Variants in LACC1 observed in about 807,000 individuals in gnomAD.
The protein encoded by LACC1 is laccase domain multifunctional purine nucleosidase 1.
A neutral mutation model predicts 34.8 loss-of-function variants in LACC1; 25 were observed. That is an observed-to-expected ratio of 0.72 (90% CI 0.52 to 1.00). The LOEUF is 1.00. LACC1 is among the 50% of genes least tolerant of loss of function. The probability of loss-of-function intolerance (pLI) is 0.00; values close to 1 mark genes in which losing one functional copy is unlikely to be tolerated. For synonymous variants in LACC1, 162 were observed against 168.0 expected (o/e 0.96, Z 0.28); for missense variants, 426 against 511.2 (o/e 0.83, Z 1.61).
At position 43,888,817 on chromosome 13, in the gene LACC1, A is replaced by G. The variant is rs763606510; in HGVS notation, c.968A>G (p.Tyr323Cys). The G allele has an allele frequency of 1.2e-6, 2 of 1,613,934 alleles. No individual in the cohort carries two copies. The highest frequency in any genetic ancestry group is 1.7e-6 in the Non-Finnish European group (2 of 1,179,860). ...MATVNAMIAE[Y>C]GCSLEDIVVV... ...ACAGTGAATGCTATGATAGCAGAAT[A>G]TGGCTGCAGTTTGGAAGACATTGTT... Residue 323 changes from tyrosine to cysteine, a missense_variant, in exon 5 of 7, where the codon TAT (tyrosine) becomes TGT (cysteine). Coordinates refer to ENST00000325686, the MANE Select transcript of LACC1 (RefSeq NM_153218.4).
chr13:43,889,532 A>G (rs1298680522), intron 5 of LACC1, among the ~76,000 whole-genome samples: 1 of 152,222 alleles, frequency 6.6e-6, no homozygotes, highest in Non-Finnish European at 1.5e-5. Context: ...AAATTAATGT[A>G]TGTTTTAAAT....
chr13:43,889,035 A>G (rs1955455312), intron 5 of LACC1, 53 bp downstream of exon 5: 1 of 1,436,630 alleles, frequency 7.0e-7, no homozygotes, highest in Non-Finnish European at 9.8e-7. Context: ...TTGTTCTAAA[A>G]TGAAATTTAT....
At chr13:43,880,441 T>G (rs563595977) in intron 1 of LACC1, among the ~76,000 whole-genome samples, 2 of 152,296 alleles carry the variant, frequency 1.3e-5, no homozygotes, top group South Asian at 4.1e-4. Context: ...TGGTCATTGC[T>G]AAGTGTGGAG....
At chr13:43,885,455 C>G (rs963647146) in intron 4 of LACC1, among the ~76,000 whole-genome samples, 17 of 152,234 alleles carry the variant, frequency 1.1e-4, no homozygotes, top group Non-Finnish European at 2.2e-4. Flanking sequence ...TAAAGCCACA[C>G]ACCTACAACC....
chr13:43,890,027 C>T (rs1955501763), intron 5 of LACC1, 87 bp from the exon 6 acceptor site: 4 of 1,169,432 alleles, frequency 3.4e-6, no homozygotes, highest in African/African-American at 1.5e-5. Flanking sequence ...GGAACTTTTT[C>T]ATGCCAACAT....
chr13:43,884,045 G>C (rs1257285984), intron 4 of LACC1, 109 bp downstream of exon 4: 1 of 829,368 alleles, frequency 1.2e-6, no homozygotes, highest in Non-Finnish European at 1.9e-6. Flanking sequence ...TTACACTGTG[G>C]TAAGTGTAAT....
intron 1 of LACC1, among the ~76,000 whole-genome samples, chr13:43,880,725 A>G (rs1175395652): frequency 1.3e-5 from 2 of 152,228 alleles, no homozygotes; most frequent in Admixed American, 1.3e-4. Flanking sequence ...TGCTGCTGGA[A>G]AGATGTACCA....
In LACC1 at chr13:43,892,759, A is replaced by T; in HGVS notation, c.*1312A>T. On this transcript the variant is annotated 3_prime_UTR_variant, in exon 7 of 7. Transcript: ENST00000325686. ...CAATAATACAACCTTATAGTCACAG[A>T]AGTAAGAAAAAAAGGGTAGTTGTTT... 1 of 128,804 alleles carries T rather than the reference A, an allele frequency of 7.8e-6. No homozygotes were observed. The highest frequency in any genetic ancestry group is 3.0e-4 in the East Asian group (1 of 3,334). The allele number at this position is 128,804 out of a possible 1,614,324, so 8.0% of individuals were successfully genotyped here.
rs1333745721 is a variant in LACC1, at chr13:43,881,188, G to A, written c.203G>A (p.Gly68Glu). 6.2e-7 allele frequency: 1 copy of A among 1,614,148 alleles called. No homozygotes were observed. Among genetic ancestry groups the A allele is most frequent in the South Asian group, 1.1e-5 (1 of 91,078 alleles). The change falls in exon 2 of 7, where the codon GGA becomes GAA. Residue 68 changes from glycine to glutamate, a missense_variant. Physicochemically the swap from Gly to Glu is moderately conservative, Grantham distance 98 (BLOSUM62 -2). Coordinates refer to ENST00000325686, the MANE Select transcript of LACC1 (RefSeq NM_153218.4). The stretch of plus-strand genomic sequence containing the variant: ...AATTGTGAAATAGAAACAAGCAATG[G>A]ATTATCAGCTCTCTTGGAAGAATTT... ...QDNCEIETSN[G>E]LSALLEEFEI... is the part of the protein sequence containing the mutation.
chr13:43,888,604 G>A (rs756820655), intron 4 of LACC1, among the ~76,000 whole-genome samples, 153 bp from the exon 5 acceptor site: 14 of 152,056 alleles, frequency 9.2e-5, no homozygotes, highest in Admixed American at 2.6e-4. Context: ...GTGTAGTATG[G>A]CTCATTTAAA....
At chr13:43,883,634 A>G in intron 3 of LACC1, 137 bp from the exon 4 acceptor site, 1 of 512,878 alleles carries the variant, frequency 1.9e-6, no homozygotes, top group Non-Finnish European at 3.2e-6. Context: ...CCCATATATA[A>G]AAGTGATATA....
chr13:43,880,404 G>T (rs1393654266), intron 1 of LACC1, among the ~76,000 whole-genome samples: 1 of 152,196 alleles, frequency 6.6e-6, no homozygotes, highest in African/African-American at 2.4e-5. Context: ...GAGGAAGCCT[G>T]TCTCATCCAA....
In LACC1 at chr13:43,881,421, T is replaced by G. The variant is rs201400641; in HGVS notation, c.436T>G (p.Ser146Ala). 7 of 1,614,088 alleles carry G rather than the reference T, an allele frequency of 4.3e-6. No homozygotes were observed. Among genetic ancestry groups the G allele is most frequent in the Non-Finnish European group, 5.9e-6 (7 of 1,179,984 alleles). The change falls in exon 2 of 7, where the codon TCC (serine) becomes GCC (alanine). Residue 146 changes from serine (S) to alanine (A), a missense_variant. Around this residue, in one of 2 missense-constraint regions of LACC1, gnomAD observed 217 missense variants for 210.9 expected, o/e 1.03. Coordinates refer to ENST00000325686, the MANE Select transcript of LACC1 (RefSeq NM_153218.4). Reference sequence around the variant, plus strand: ...TTTTAGGGGAGGGCTTTTTAAACAGTCCATTGAAATAAACGTAATCACAGC... The same window carrying G: ...TTTTAGGGGAGGGCTTTTTAAACAGGCCATTGAAATAAACGTAATCACAGC... The part of the protein sequence containing the change: ...VTFRGGLFKQ[S>A]IEINVITAQE...
At chr13:43,883,286 T>C (rs1345255043) in intron 3 of LACC1, among the ~76,000 whole-genome samples, 1 of 152,004 alleles carries the variant, frequency 6.6e-6, no homozygotes, top group Non-Finnish European at 1.5e-5. Flanking sequence ...GGGAACTGAA[T>C]GGTGGTAGAG....
At position 43,881,653 on chromosome 13, in the gene LACC1, G is replaced by A; in HGVS notation, c.562+106G>A. ...CCTCCTTTCTTTTGTTGACTGTTGTGGGCTGATTACTCATTAGCATCAGTG... is the reference window on the plus strand; with the variant it reads ...CCTCCTTTCTTTTGTTGACTGTTGTAGGCTGATTACTCATTAGCATCAGTG... On this transcript the variant is annotated intron_variant, in intron 2 of 6. Transcript: ENST00000325686. The A allele has an allele frequency of 4.7e-6, 4 of 843,970 alleles. No homozygotes were observed. In the South Asian group the frequency reaches 5.4e-5, roughly 11 times the overall value. The allele number at this position is 843,970 out of a possible 1,614,324, so 52.3% of individuals were successfully genotyped here. A position where few individuals can be genotyped will look rare whatever the true frequency, so the allele number is the denominator to read the frequency against.
chr13:43,884,922 C>T (rs1032417191), intron 4 of LACC1, among the ~76,000 whole-genome samples: 3 of 151,852 alleles, frequency 2.0e-5, no homozygotes, highest in African/African-American at 4.8e-5. Flanking sequence ...TTCTTAGGTT[C>T]GAAAACATTT....
chr13:43,881,062 A>G lies in LACC1; in HGVS notation c.77A>G (p.Lys26Arg). 1.2e-6 allele frequency: 2 copies of G among 1,614,190 alleles called. No homozygotes were observed. Among genetic ancestry groups the G allele is most frequent in the Non-Finnish European group, 1.7e-6 (2 of 1,180,022 alleles). The change falls in exon 2 of 7, where the codon AAG (lysine) becomes AGG (arginine). Residue 26 changes from lysine (K) to arginine (R), a missense_variant. Physicochemically the swap from Lys to Arg is conservative, Grantham distance 26 (BLOSUM62 2). Around this residue, in one of 2 missense-constraint regions of LACC1, gnomAD observed 217 missense variants for 210.9 expected, o/e 1.03. Transcript: ENST00000325686. ...SQKNCHQTLL[K>R]TLNAVQYHHA... ...AAAAACTGCCATCAGACATTACTGA[A>G]GACTTTGAATGCTGTCCAATACCAC... is the stretch of plus-strand genomic sequence containing the variant.
chr13:43,880,914 A>G lies in LACC1; in HGVS notation c.-34-38A>G, dbSNP rs1423498172. The G allele has an allele frequency of 5.6e-6, 7 of 1,261,018 alleles. No individual in the cohort carries two copies. In the Admixed American group the frequency reaches 1.4e-4, roughly 25 times the overall value. 78.1% of individuals were successfully genotyped at this position (1,261,018 alleles called of 1,614,324 possible). A position where few individuals can be genotyped will look rare whatever the true frequency, so the allele number is the denominator to read the frequency against. On this transcript the variant is annotated intron_variant, in intron 1 of 6. Coordinates refer to ENST00000325686, the MANE Select transcript of LACC1 (RefSeq NM_153218.4). ...AATTTCTGTTGTAACTATAAGATTT[A>G]TATAATCTTATATTCTTACACTAAT...
At position 43,892,467 on chromosome 13, in the gene LACC1, T is replaced by A. The variant is rs959184268; in HGVS notation, c.*1020T>A. On this transcript the variant is annotated 3_prime_UTR_variant, in exon 7 of 7. Transcript: ENST00000325686. ...AAAAGTCATTAATGACTCTAAGATTTCTGCTTGGCTGCTTACCAAGATTGG... is the reference window on the plus strand; with the variant it reads ...AAAAGTCATTAATGACTCTAAGATTACTGCTTGGCTGCTTACCAAGATTGG... The A allele has an allele frequency of 1.3e-5, 2 of 152,010 alleles. No individual in the cohort carries two copies. Among genetic ancestry groups the A allele is most frequent in the Non-Finnish European group, 2.9e-5 (2 of 67,966 alleles). The allele number at this position is 152,010 out of a possible 1,614,324, so 9.4% of individuals were successfully genotyped here.
Sources: allele counts gnomAD v4.1 joint callset (sites outside exome capture counted in the v4.1 genomes callset), GRCh38; gene constraint gnomAD v4.1.1; regional missense constraint gnomAD v4.1.1; transcripts MANE v1.5; gene names NCBI Gene and HGNC (gene_info 2026-07-23, HGNC 2026-07-21).